The following TMPRSS11D variants were observed in gnomAD, a reference collection of about 807,000 sequenced individuals.
TMPRSS11D encodes the protein transmembrane protease serine 11D.
TMPRSS11D carries 32 observed loss-of-function variants against 44.4 expected under a neutral mutation model. The ratio of observed to expected loss-of-function variants is 0.72; its 90% CI spans 0.54 to 0.97. The LOEUF (loss-of-function observed/expected upper bound fraction) is 0.97. Ranked by LOEUF, TMPRSS11D falls within the 50% of genes least tolerant of loss-of-function variation. The probability of loss-of-function intolerance (pLI) is 0.00; values close to 1 mark genes in which losing one functional copy is unlikely to be tolerated. For missense variants in TMPRSS11D, 446 were observed against 502.6 expected (o/e 0.89, Z 1.08); for synonymous variants, 179 against 177.9 (o/e 1.01, Z -0.05).
At chr4:67,866,487 C>T (rs1006113639) in intron 1 of TMPRSS11D, among the ~76,000 whole-genome samples, 5 of 151,496 alleles carry the variant, frequency 3.3e-5, no homozygotes, top group Admixed American at 6.6e-5. Context: ...TATGTGAAGT[C>T]GTAAAGAGCT....
At chr4:67,866,593 A>C (rs1718931963) in intron 1 of TMPRSS11D, among the ~76,000 whole-genome samples, 1 of 151,816 alleles carries the variant, frequency 6.6e-6, no homozygotes, top group Non-Finnish European at 1.5e-5. Context: ...AAATCCTAAG[A>C]CTCCTCCAAA....
chr4:67,883,916 C>T lies in TMPRSS11D; in HGVS notation c.8+10G>A, dbSNP rs764443189. On this transcript the variant is annotated intron_variant, in intron 1 of 9. Coordinates refer to ENST00000283916, the MANE Select transcript of TMPRSS11D (RefSeq NM_004262.3). ...ACTTTTAAAGCTACAAAGACAAAAA[C>T]AGGACTTACCTATACATTTTAATCC... The T allele has an allele frequency of 1.9e-6, 3 of 1,598,136 alleles. No homozygotes were observed. The highest frequency in any genetic ancestry group is 2.3e-5 in the East Asian group (1 of 44,098).
intron 4 of TMPRSS11D, chr4:67,838,884 T>C (rs1718166409): frequency 6.6e-6 from 1 of 152,142 alleles, no homozygotes; most frequent in Non-Finnish European, 1.5e-5. Context: ...TTTTAACTTT[T>C]GTCGTATATT....
At chr4:67,868,925 G>GAAAAT (rs1718990570) in intron 1 of TMPRSS11D, among the ~76,000 whole-genome samples, 1 of 152,132 alleles carries the variant, frequency 6.6e-6, no homozygotes, top group Admixed American at 6.6e-5. Flanking sequence ...AAGGTTTGAG[G>GAAAAT]AAAATATTGA....
At chr4:67,865,898 C>T (rs1718914757) in intron 1 of TMPRSS11D, among the ~76,000 whole-genome samples, 1 of 151,828 alleles carries the variant, frequency 6.6e-6, no homozygotes, top group Admixed American at 6.6e-5. Context: ...GCATTCACAG[C>T]CAAACTCTAC....
intron 2 of TMPRSS11D, among the ~76,000 whole-genome samples, chr4:67,858,851 A>T (rs1284275260): frequency 6.6e-6 from 1 of 152,134 alleles, no homozygotes; most frequent in Admixed American, 6.6e-5. Flanking sequence ...CTTCACAGAG[A>T]TTTTTAAGGA....
At chr4:67,827,841 T>A (rs1717842910) in intron 7 of TMPRSS11D, among the ~76,000 whole-genome samples, 1 of 152,122 alleles carries the variant, frequency 6.6e-6, no homozygotes, top group South Asian at 2.1e-4. Flanking sequence ...CTTTTGTCCA[T>A]ACCTCCCTTC....
chr4:67,870,083 T>C (rs1242422613), intron 1 of TMPRSS11D, among the ~76,000 whole-genome samples: 2 of 152,224 alleles, frequency 1.3e-5, no homozygotes, highest in Admixed American at 6.5e-5. Flanking sequence ...TCATACGCTT[T>C]TCTTGTGTGT....
At position 67,863,015 on chromosome 4, in the gene TMPRSS11D, C is replaced by G. The variant is rs568021375; in HGVS notation, c.9-3337G>C. 3.3e-5 allele frequency among the ~76,000 whole-genome samples: 5 copies of G among 151,378 alleles called. No individual in the cohort carries two copies. The South Asian group carries it at 1.0e-3, about 32-fold the overall frequency. ...GCACATGCATACATATGTAACAAAG[C>G]TGCACGTTACCCTAGAACTTAAAGT... On this transcript the variant is annotated intron_variant, in intron 1 of 9. Coordinates refer to ENST00000283916, the MANE Select transcript of TMPRSS11D (RefSeq NM_004262.3).
intron 7 of TMPRSS11D, among the ~76,000 whole-genome samples, chr4:67,829,170 A>C (rs1388834033): frequency 6.6e-6 from 1 of 152,000 alleles, no homozygotes; most frequent in Non-Finnish European, 1.5e-5. Flanking sequence ...AAGTACTGTA[A>C]AAAAGTAATG....
At chr4:67,822,810 T>C (rs1428483928) in intron 9 of TMPRSS11D, among the ~76,000 whole-genome samples, 1 of 152,208 alleles carries the variant, frequency 6.6e-6, no homozygotes, top group East Asian at 1.9e-4. Context: ...ACCTTTTTCC[T>C]TCACACTCTC....
At chr4:67,868,958 C>T (rs942486956) in intron 1 of TMPRSS11D, among the ~76,000 whole-genome samples, 5 of 152,122 alleles carry the variant, frequency 3.3e-5, no homozygotes, top group Non-Finnish European at 7.4e-5. Flanking sequence ...AGAACCATTC[C>T]CTGCTAGAGA....
intron 1 of TMPRSS11D, among the ~76,000 whole-genome samples, chr4:67,867,259 T>C (rs1718948533): frequency 6.6e-6 from 1 of 151,988 alleles, no homozygotes; most frequent in African/African-American, 2.4e-5. Flanking sequence ...TAAATGGTGG[T>C]GGTAAAATTG....
intron 1 of TMPRSS11D, among the ~76,000 whole-genome samples, chr4:67,871,979 C>A (rs1303353157): frequency 2.0e-5 from 3 of 152,074 alleles, no homozygotes; most frequent in South Asian, 2.1e-4. Flanking sequence ...GTGTTGGTAA[C>A]CTGTTTCCAA....
intron 1 of TMPRSS11D, among the ~76,000 whole-genome samples, chr4:67,877,737 T>G (rs1364255307): frequency 1.3e-5 from 2 of 152,236 alleles, no homozygotes; most frequent in Non-Finnish European, 2.9e-5. Context: ...TCACATCCAG[T>G]TGAATGTCAA....
intron 1 of TMPRSS11D, among the ~76,000 whole-genome samples, chr4:67,874,444 T>A (rs1719135803): frequency 1.3e-5 from 2 of 152,112 alleles, no homozygotes; most frequent in African/African-American, 4.8e-5. Flanking sequence ...TGTCCCAAAG[T>A]GGTGAGAAAT....
intron 5 of TMPRSS11D, among the ~76,000 whole-genome samples, chr4:67,837,739 A>G (rs775324242): frequency 4.6e-5 from 7 of 152,148 alleles, no homozygotes; most frequent in Non-Finnish European, 7.4e-5. Context: ...GTGTAGGATG[A>G]AGCCAAACAA....
At position 67,845,914 on chromosome 4, in the gene TMPRSS11D, A is replaced by G. The variant is rs1050262804; in HGVS notation, c.250-3289T>C. On this transcript the variant is annotated intron_variant, in intron 3 of 9. Transcript: ENST00000283916. ...TTGAAACACTGCACACAGGATATCT[A>G]TAATTGTCACATATTTTTCATGGCT... Among the ~76,000 whole-genome samples the G allele has an allele frequency of 2.0e-5, 3 of 152,198 alleles. No individual in the cohort carries two copies. The East Asian group carries it at 5.8e-4, about 29-fold the overall frequency.
chr4:67,864,274 A>G (rs981051919), intron 1 of TMPRSS11D, among the ~76,000 whole-genome samples: 2 of 151,992 alleles, frequency 1.3e-5, no homozygotes. Flanking sequence ...AAGAAGAGGA[A>G]TGTGTTGACA....
Sources: allele counts gnomAD v4.1 joint callset (sites outside exome capture counted in the v4.1 genomes callset), GRCh38; gene constraint gnomAD v4.1.1; transcripts MANE v1.5; gene names NCBI Gene and HGNC (gene_info 2026-07-23, HGNC 2026-07-21).